ASIC2: variants seen among roughly 807,000 people sequenced by gnomAD.
ASIC2 encodes acid-sensing ion channel 2.
In ASIC2, 25 loss-of-function variants were observed where a neutral mutation model predicts 57.3. The ratio of observed to expected loss-of-function variants is 0.44; its 90% confidence interval spans 0.32 to 0.61. The LOEUF (loss-of-function observed/expected upper bound fraction) is 0.61. Ranked by LOEUF, ASIC2 falls within the 20% of genes least tolerant of loss-of-function variation. The probability of loss-of-function intolerance (pLI) is 0.06; values close to 1 mark genes in which losing one functional copy is unlikely to be tolerated. For missense variants in ASIC2, 641 were observed against 738.1 expected (o/e 0.87, Z 1.52); for synonymous variants, 319 against 307.5 (o/e 1.04, Z -0.39).
intron 1 of ASIC2, among the ~76,000 whole-genome samples, chr17:33,806,059 G>A (rs981107469): frequency 1.5e-4 from 23 of 151,944 alleles, no homozygotes; most frequent in African/African-American, 5.6e-4. Context: ...ATTCCCATGG[G>A]GGCCACCCGC....
intron 1 of ASIC2, among the ~76,000 whole-genome samples, chr17:33,980,478 A>G (rs1209804966): frequency 6.6e-6 from 1 of 152,214 alleles, no homozygotes; most frequent in Non-Finnish European, 1.5e-5. Context: ...ATGGGCCACA[A>G]CACATATGGA....
At chr17:33,302,083 G>A (rs1026017391) in intron 1 of ASIC2, among the ~76,000 whole-genome samples, 3 of 152,154 alleles carry the variant, frequency 2.0e-5, no homozygotes, top group Admixed American at 2.0e-4. Context: ...CATAATTAAT[G>A]TCTCCTTCCC....
chr17:33,576,819 C>A (rs954558210), intron 1 of ASIC2, among the ~76,000 whole-genome samples: 3 of 152,182 alleles, frequency 2.0e-5, no homozygotes, highest in African/African-American at 7.2e-5. Flanking sequence ...GAACCAGGAT[C>A]ATACCGATTC....
intron 1 of ASIC2, among the ~76,000 whole-genome samples, chr17:34,085,391 C>A (rs1330597912): frequency 6.6e-6 from 1 of 152,204 alleles, no homozygotes; most frequent in Admixed American, 6.5e-5. Flanking sequence ...ATGAAGCCCA[C>A]TTGATCATGG....
chr17:33,494,600 G>A (rs1028576782), intron 1 of ASIC2, among the ~76,000 whole-genome samples: 1 of 152,154 alleles, frequency 6.6e-6, no homozygotes, highest in Non-Finnish European at 1.5e-5. Flanking sequence ...AACCCTCACG[G>A]CTGGGAAGCA....
chr17:33,854,004 T>A (rs1913846804), intron 1 of ASIC2, among the ~76,000 whole-genome samples: 1 of 152,218 alleles, frequency 6.6e-6, no homozygotes. Context: ...CCCATCGAAG[T>A]TAAAAGTCTA....
intron 1 of ASIC2, among the ~76,000 whole-genome samples, chr17:33,117,451 C>T (rs1315370727): frequency 6.6e-6 from 1 of 152,192 alleles, no homozygotes; most frequent in Non-Finnish European, 1.5e-5. Flanking sequence ...GCTGGGATTA[C>T]AGGCATGAGC....
intron 1 of ASIC2, among the ~76,000 whole-genome samples, chr17:33,555,186 C>T (rs1241120817): frequency 6.6e-6 from 1 of 152,162 alleles, no homozygotes; most frequent in Non-Finnish European, 1.5e-5. Flanking sequence ...ACCTAACCTA[C>T]TATTCCCTGA....
chr17:33,956,130 A>C (rs1904727113), intron 1 of ASIC2, among the ~76,000 whole-genome samples: 1 of 152,204 alleles, frequency 6.6e-6, no homozygotes, highest in Non-Finnish European at 1.5e-5. Context: ...GAATTGAAAA[A>C]AATGAATCAC....
At chr17:33,672,624 A>G (rs1907673749) in intron 1 of ASIC2, among the ~76,000 whole-genome samples, 1 of 152,120 alleles carries the variant, frequency 6.6e-6, no homozygotes, top group South Asian at 2.1e-4. Context: ...TTTCTTAATG[A>G]TTCTTCCAAT....
chr17:33,957,689 C>A (rs533226954), intron 1 of ASIC2, among the ~76,000 whole-genome samples: 2 of 152,158 alleles, frequency 1.3e-5, no homozygotes, highest in African/African-American at 4.8e-5. Flanking sequence ...ATGGGAGCTA[C>A]AATTCAAGAT....
chr17:34,074,572 C>G (rs1406612486), intron 1 of ASIC2, among the ~76,000 whole-genome samples: 1 of 152,096 alleles, frequency 6.6e-6, no homozygotes, highest in East Asian at 1.9e-4. Flanking sequence ...CAGGCCCTAT[C>G]CCAAAGTATA....
At chr17:33,835,024 C>A (rs1913232996) in intron 1 of ASIC2, among the ~76,000 whole-genome samples, 1 of 152,208 alleles carries the variant, frequency 6.6e-6, no homozygotes, top group Non-Finnish European at 1.5e-5. Flanking sequence ...TTGCCATATG[C>A]CTAGCACTGT....
chr17:33,487,930 G>A (rs565754351), intron 1 of ASIC2, among the ~76,000 whole-genome samples: 183 of 152,264 alleles, frequency 1.2e-3, no homozygotes, highest in African/African-American at 4.1e-3. Flanking sequence ...CCCCTACTTC[G>A]GAGGTTTTGG....
intron 1 of ASIC2, among the ~76,000 whole-genome samples, chr17:33,125,546 T>C (rs1269962718): frequency 6.6e-6 from 1 of 152,212 alleles, no homozygotes; most frequent in African/African-American, 2.4e-5. Flanking sequence ...AACTATTACA[T>C]GTCAAACACC....
intron 1 of ASIC2, among the ~76,000 whole-genome samples, chr17:33,592,923 CATT>C (rs1224100757): frequency 2.6e-5 from 4 of 152,224 alleles, no homozygotes; most frequent in Non-Finnish European, 5.9e-5. Flanking sequence ...CTGGTGTTCT[CATT>C]ATCTGTAGCA....
chr17:33,180,671 G>A (rs1259284667), intron 1 of ASIC2, among the ~76,000 whole-genome samples: 1 of 152,146 alleles, frequency 6.6e-6, no homozygotes, highest in East Asian at 1.9e-4. Flanking sequence ...ATTTCTACTG[G>A]GAACCTGGGC....
At chr17:34,039,400 C>T (rs1296569893) in intron 1 of ASIC2, 3 of 1,613,730 alleles carry the variant, frequency 1.9e-6, no homozygotes, top group Middle Eastern at 1.7e-4. Flanking sequence ...TGTGTCAAGC[C>T]GAGGTTTTGC....
At chr17:33,032,160 A>G (rs1302450678) in intron 3 of ASIC2, among the ~76,000 whole-genome samples, 1 of 151,910 alleles carries the variant, frequency 6.6e-6, no homozygotes, top group Non-Finnish European at 1.5e-5. Flanking sequence ...TTTGTTTCCT[A>G]TTTGTACCGA....
Sources: gnomAD v4.1 joint callset for allele counts (sites outside exome capture counted in the v4.1 genomes callset) on GRCh38, gnomAD v4.1.1 for gene constraint, MANE v1.5 for transcripts, NCBI Gene and HGNC (gene_info 2026-07-23, HGNC 2026-07-21) for gene names.